SHLD1: variants seen among roughly 807,000 people sequenced by gnomAD.
The protein encoded by SHLD1 is RINN1-REV7-interacting novel NHEJ regulator 3.
SHLD1 carries 3 observed loss-of-function variants against 5.5 expected under a neutral mutation model. The observed-to-expected ratio is 0.54, with a 90% CI of 0.25 to 1.40. The LOEUF (loss-of-function observed/expected upper bound fraction) is 1.40, where lower values mean the gene tolerates loss of function less well. Among genes scored for constraint, SHLD1 ranks in the 40% most tolerant of loss-of-function variants. The pLI is 0.15. For synonymous variants in SHLD1, 92 were observed against 94.3 expected (o/e 0.98, Z 0.14); for missense variants, 210 against 244.4 (o/e 0.86, Z 0.94).
intron 2 of SHLD1, among the ~76,000 whole-genome samples, chr20:5,843,050 T>C (rs1022024610): frequency 1.3e-5 from 2 of 152,206 alleles, no homozygotes; most frequent in African/African-American, 4.8e-5. Flanking sequence ...AAAGGTAGAT[T>C]TGTTTTTTCC....
At chr20:5,805,367 G>A (rs992534181) in intron 2 of SHLD1, among the ~76,000 whole-genome samples, 2 of 152,110 alleles carry the variant, frequency 1.3e-5, no homozygotes, top group African/African-American at 4.8e-5. Context: ...GTGTTGGTCA[G>A]GCTGGTCTTG....
chr20:5,823,912 C>G lies in SHLD1; in HGVS notation c.179-39112C>G, dbSNP rs73596838. ...GTAATGTCTCACCACCTCCTCCACT[C>G]TACCCAAACCCCAGCCACCATCTTC... On this transcript the variant is annotated intron_variant, in intron 2 of 2. Transcript: ENST00000303142. Among the ~76,000 whole-genome samples, 1,015 of 152,286 alleles carry G rather than the reference C, an allele frequency of 6.7e-3. 7 individuals carry two copies. Among genetic ancestry groups the G allele is most frequent in the African/African-American group, 0.024 (983 of 41,556 alleles).
At chr20:5,810,584 T>G (rs1374749160) in intron 2 of SHLD1, among the ~76,000 whole-genome samples, 4 of 152,012 alleles carry the variant, frequency 2.6e-5, no homozygotes, top group African/African-American at 9.7e-5. Context: ...TTCTTTCTAT[T>G]TCCCCTACCA....
chr20:5,826,903 A>C (rs2087672099), intron 2 of SHLD1, among the ~76,000 whole-genome samples: 1 of 148,270 alleles, frequency 6.7e-6, no homozygotes, highest in Non-Finnish European at 1.5e-5. Flanking sequence ...CCCCTCCCTC[A>C]TATCCCCCCC....
intron 2 of SHLD1, among the ~76,000 whole-genome samples, chr20:5,774,322 A>T (rs2122247324): frequency 6.6e-6 from 1 of 152,352 alleles, no homozygotes; most frequent in East Asian, 1.9e-4. Flanking sequence ...TTCAGTGATG[A>T]CTACAGGTAG....
chr20:5,845,013 G>A (rs1276367153), intron 2 of SHLD1, among the ~76,000 whole-genome samples: 2 of 151,616 alleles, frequency 1.3e-5, no homozygotes, highest in Non-Finnish European at 2.9e-5. Flanking sequence ...GGCCAGGCTG[G>A]TCTCAAACTC....
intron 2 of SHLD1, among the ~76,000 whole-genome samples, chr20:5,858,518 A>G (rs1365139951): frequency 6.6e-6 from 1 of 152,154 alleles, no homozygotes; most frequent in African/African-American, 2.4e-5. Flanking sequence ...AATATATAAA[A>G]ATATTTTTAG....
chr20:5,777,993 G>A (rs1042830451), intron 2 of SHLD1, among the ~76,000 whole-genome samples: 1 of 151,774 alleles, frequency 6.6e-6, no homozygotes, highest in Admixed American at 6.6e-5. Context: ...ACTTTTATAT[G>A]TTTTGCCACA....
At chr20:5,755,242 C>T (rs563159787) in intron 1 of SHLD1, among the ~76,000 whole-genome samples, 46 of 152,216 alleles carry the variant, frequency 3.0e-4, no homozygotes, top group Middle Eastern at 3.4e-3. Flanking sequence ...CCTCAATCCC[C>T]GGGCCATGGA....
At position 5,767,513 on chromosome 20, in the gene SHLD1, A is replaced by G. The variant is rs529903224; in HGVS notation, c.-4-5349A>G. Among the ~76,000 whole-genome samples, 90 of 152,150 alleles carry G rather than the reference A, an allele frequency of 5.9e-4. No homozygotes were observed. In the South Asian group the frequency reaches 0.018, roughly 31 times the overall value. Reference sequence around the variant, plus strand: ...CTTAATCTCTCTGAATCTATTCTTGACCCGTGGGTCCCTGACCTCATTCAT... The same window carrying G: ...CTTAATCTCTCTGAATCTATTCTTGGCCCGTGGGTCCCTGACCTCATTCAT... On this transcript the variant is annotated intron_variant, in intron 1 of 2. Coordinates refer to ENST00000303142, the MANE Select transcript of SHLD1 (RefSeq NM_152504.4).
At chr20:5,798,581 C>A (rs1301180809) in intron 2 of SHLD1, among the ~76,000 whole-genome samples, 1 of 145,264 alleles carries the variant, frequency 6.9e-6, no homozygotes, top group Non-Finnish European at 1.5e-5. Flanking sequence ...GGATTACAGG[C>A]GTAAGCCACT....
At chr20:5,765,680 A>G (rs1163384428) in intron 1 of SHLD1, among the ~76,000 whole-genome samples, 2 of 151,912 alleles carry the variant, frequency 1.3e-5, no homozygotes, top group African/African-American at 4.8e-5. Flanking sequence ...TTCACACCAC[A>G]GGAAGGGTTT....
rs555645077 is a variant in SHLD1 at position 5,810,679 on chromosome 20, A to G, written c.178+37636A>G. ...GAGGCTGAGGTAAGCAGATCACTTGAGATCAAGAGTTTTGAGACCAGACTG... is the reference window on the plus strand; with the variant it reads ...GAGGCTGAGGTAAGCAGATCACTTGGGATCAAGAGTTTTGAGACCAGACTG... On this transcript the variant is annotated intron_variant, in intron 2 of 2. Coordinates refer to ENST00000303142, the MANE Select transcript of SHLD1 (RefSeq NM_152504.4). 8.7e-4 allele frequency among the ~76,000 whole-genome samples: 132 copies of G among 152,202 alleles called. 1 individual carries two copies. The highest frequency in any genetic ancestry group is 3.0e-3 in the African/African-American group (123 of 41,488).
intron 2 of SHLD1, among the ~76,000 whole-genome samples, chr20:5,858,727 C>T (rs1294365491): frequency 1.3e-5 from 2 of 152,078 alleles, no homozygotes; most frequent in African/African-American, 2.4e-5. Flanking sequence ...CCCAGCTACT[C>T]GGGTGGCTGA....
At chr20:5,818,232 C>CCT (rs1479971579) in intron 2 of SHLD1, among the ~76,000 whole-genome samples, 1 of 152,044 alleles carries the variant, frequency 6.6e-6, no homozygotes, top group Non-Finnish European at 1.5e-5. Flanking sequence ...CCTGCCACCA[C>CCT]GCCTGGCTAA....
At chr20:5,805,085 G>A (rs923905897) in intron 2 of SHLD1, among the ~76,000 whole-genome samples, 1 of 152,190 alleles carries the variant, frequency 6.6e-6, no homozygotes, top group African/African-American at 2.4e-5. Context: ...TCAACTCTTG[G>A]TCTAACAGTC....
In SHLD1 at chr20:5,806,589, T is replaced by C. The variant is rs917284723; in HGVS notation, c.178+33546T>C. Among the ~76,000 whole-genome samples, 1 of 152,190 alleles carries C rather than the reference T, an allele frequency of 6.6e-6. No individual in the cohort carries two copies. Among genetic ancestry groups the C allele is most frequent in the African/African-American group, 2.4e-5 (1 of 41,440 alleles). ...AATAAACAAAACAATAGAATTTTGA[T>C]AGAAGTGGAACAGAGGCCTGCAGTG... On this transcript the variant is annotated intron_variant, in intron 2 of 2. Coordinates refer to ENST00000303142, the MANE Select transcript of SHLD1 (RefSeq NM_152504.4). This position sits in a 1 kb window ranked among gnomAD's most constrained non-coding sequence, Gnocchi z 7.6.
At chr20:5,758,350 G>A (rs1249019008) in intron 1 of SHLD1, among the ~76,000 whole-genome samples, 1 of 129,972 alleles carries the variant, frequency 7.7e-6, no homozygotes, top group Non-Finnish European at 1.6e-5. Context: ...GGGAGGGGGA[G>A]GGGAAGGAGA....
intron 2 of SHLD1, among the ~76,000 whole-genome samples, chr20:5,802,623 C>T (rs1193063858): frequency 6.6e-6 from 1 of 151,778 alleles, no homozygotes; most frequent in African/African-American, 2.4e-5. Flanking sequence ...TTCTTCTTTC[C>T]TTCCTTTCTT....
Sources: allele counts gnomAD v4.1 joint callset (sites outside exome capture counted in the v4.1 genomes callset), GRCh38; gene constraint gnomAD v4.1.1; non-coding constraint Gnocchi (gnomAD v3.1); transcripts MANE v1.5; gene names NCBI Gene and HGNC (gene_info 2026-07-23, HGNC 2026-07-21).